Variants in OPCML observed in about 807,000 individuals in gnomAD.
OPCML encodes the protein opioid-binding protein/cell adhesion molecule.
Under a neutral mutation model 37.8 loss-of-function variants are expected in OPCML, and 13 were observed. The observed-to-expected ratio is 0.34, with a 90% CI of 0.22 to 0.55. The LOEUF (loss-of-function observed/expected upper bound fraction) is 0.55. Among genes scored for constraint, OPCML ranks in the 20% least tolerant of loss-of-function variants. The pLI, the probability that OPCML is intolerant of heterozygous loss-of-function variation, is 0.91. For missense variants in OPCML, 341 were observed against 435.6 expected, an observed-to-expected ratio of 0.78 and a Z score of 1.93; for synonymous variants, 176 against 168.8, an observed-to-expected ratio of 1.04 and a Z score of -0.33.
intron 1 of OPCML, among the ~76,000 whole-genome samples, chr11:133,097,823 G>A (rs1297261859): frequency 1.3e-5 from 2 of 152,126 alleles, no homozygotes; most frequent in South Asian, 4.1e-4. Context: ...AGAAGAAATA[G>A]ACAATCTGAA....
chr11:133,116,558 G>C (rs1236111975), intron 1 of OPCML, among the ~76,000 whole-genome samples: 2 of 152,108 alleles, frequency 1.3e-5, no homozygotes, highest in African/African-American at 4.8e-5. Context: ...ATTTAGGTAT[G>C]CTGGATGTTT....
In OPCML at chr11:133,292,519, A is replaced by G. The variant is rs1025165579; in HGVS notation, c.61+239745T>C. 3.9e-5 allele frequency among the ~76,000 whole-genome samples: 6 copies of G among 152,202 alleles called. No homozygotes were observed. In the South Asian group the frequency reaches 6.2e-4, roughly 16 times the overall value. On this transcript the variant is annotated intron_variant, in intron 1 of 7. Coordinates refer to ENST00000524381, the MANE Select transcript of OPCML (RefSeq NM_001012393.5). ...TACATATTCCAGAAGGGAAATCATC[A>G]TCATAATAATAACCTGAAGTAGAAT...
chr11:132,943,177 T>C lies in OPCML; in HGVS notation c.62-167A>G. ...GCGCACCAGCGGGCTCGGGAAGCGG[T>C]GCGGGGAGGAGGGAAGGGGCAGAGT... On this transcript the variant is annotated intron_variant, in intron 1 of 7. Transcript: ENST00000524381. The surrounding 1 kb of genome is among the most constrained non-coding windows in gnomAD (Gnocchi z 4.3). The C allele has an allele frequency of 1.3e-6, 2 of 1,589,966 alleles. No homozygotes were observed. Among genetic ancestry groups the C allele is most frequent in the Non-Finnish European group, 1.7e-6 (2 of 1,164,030 alleles).
intron 1 of OPCML, among the ~76,000 whole-genome samples, chr11:133,418,837 A>G (rs913111123): frequency 6.6e-6 from 1 of 152,160 alleles, no homozygotes; most frequent in African/African-American, 2.4e-5. Context: ...TATAGATAAC[A>G]TCACTATTTT....
chr11:132,791,079 T>A (rs1014098986), intron 2 of OPCML, among the ~76,000 whole-genome samples: 3 of 152,194 alleles, frequency 2.0e-5, no homozygotes, highest in Admixed American at 1.3e-4. Context: ...TGGGGTATTG[T>A]AACACTCTCA....
At chr11:132,587,563 G>A (rs1250405876) in intron 3 of OPCML, among the ~76,000 whole-genome samples, 1 of 152,194 alleles carries the variant, frequency 6.6e-6, no homozygotes, top group East Asian at 1.9e-4. Context: ...TGTTGGAGGA[G>A]GACAAAGGAC....
chr11:132,726,652 C>T lies in OPCML; in HGVS notation c.147-69333G>A, dbSNP rs764777539. 2.0e-3 allele frequency among the ~76,000 whole-genome samples: 303 copies of T among 152,024 alleles called. 8 individuals carry two copies. The highest frequency in any genetic ancestry group is 3.8e-4 in the Non-Finnish European group (26 of 67,986). On this transcript the variant is annotated intron_variant, in intron 2 of 7. Coordinates refer to ENST00000524381, the MANE Select transcript of OPCML (RefSeq NM_001012393.5). ...TAGAACCAAAGAGTTGAGCGGGCAG[C>T]GTAAGTGTGTGTGTGGGCTGGCAGG... is the stretch of plus-strand genomic sequence containing the variant.
chr11:133,152,334 T>C (rs1949998217), intron 1 of OPCML, among the ~76,000 whole-genome samples: 1 of 152,172 alleles, frequency 6.6e-6, no homozygotes, highest in Admixed American at 6.5e-5. Flanking sequence ...AAAACTCCAT[T>C]GTTATCTGGA....
At chr11:132,606,799 G>GAAAAAATC (rs1938331550) in intron 3 of OPCML, among the ~76,000 whole-genome samples, 1 of 152,138 alleles carries the variant, frequency 6.6e-6, no homozygotes, top group South Asian at 2.1e-4. Context: ...AGTGAAATAA[G>GAAAAAATC]AAAAAATCCC....
At chr11:132,868,854 ATG>A (rs1220485581) in intron 2 of OPCML, among the ~76,000 whole-genome samples, 1 of 152,166 alleles carries the variant, frequency 6.6e-6, no homozygotes, top group African/African-American at 2.4e-5. Context: ...CAGGAAGTGC[ATG>A]TGTCCATGCA....
intron 2 of OPCML, among the ~76,000 whole-genome samples, chr11:132,665,650 G>A (rs918474514): frequency 2.0e-5 from 3 of 152,114 alleles, no homozygotes; most frequent in African/African-American, 4.8e-5. Context: ...AAAAGTAAGG[G>A]TGAGCAGAAA....
chr11:132,942,918 C>G lies in OPCML; in HGVS notation c.146+8G>C, dbSNP rs1945632525. 1.9e-6 allele frequency: 3 copies of G among 1,613,892 alleles called. No individual in the cohort carries two copies. The East Asian group carries it at 6.7e-5, about 36-fold the overall frequency. On this transcript the variant is annotated splice_region_variant and intron_variant, in intron 2 of 7. Transcript: ENST00000524381. ...GGGCTCGGCCCCCGCGGAAGGACAGCTCCCTACCTGAGGGTGGCGCTCTCC... is the reference window on the plus strand; with the variant it reads ...GGGCTCGGCCCCCGCGGAAGGACAGGTCCCTACCTGAGGGTGGCGCTCTCC...
At chr11:133,024,257 A>C in intron 1 of OPCML, 1 of 736,902 alleles carries the variant, frequency 1.4e-6, no homozygotes, top group South Asian at 6.2e-5. Context: ...TGGGGTGAGA[A>C]GCGAAGAAAA....
chr11:133,051,058 T>TACACACACAC (rs113538759), intron 1 of OPCML, among the ~76,000 whole-genome samples: 1 of 147,992 alleles, frequency 6.8e-6, no homozygotes, highest in Admixed American at 6.7e-5. Context: ...TGTGTGTACA[T>TACACACACAC]ACACACACAC....
intron 1 of OPCML, among the ~76,000 whole-genome samples, chr11:133,390,968 T>C (rs190893501): frequency 1.0e-3 from 152 of 152,302 alleles, no homozygotes; most frequent in African/African-American, 3.6e-3. Flanking sequence ...CCGATGCTTA[T>C]GTGCAGCTTA....
intron 2 of OPCML, among the ~76,000 whole-genome samples, chr11:132,722,462 T>A (rs1186764875): frequency 6.6e-6 from 1 of 152,098 alleles, no homozygotes; most frequent in East Asian, 1.9e-4. Flanking sequence ...GTTATTGCAA[T>A]CAGCTAGCAC....
At chr11:133,112,312 G>GAAAAAAAAA (rs1949269165) in intron 1 of OPCML, among the ~76,000 whole-genome samples, 2 of 33,638 alleles carry the variant, frequency 5.9e-5, no homozygotes, top group Admixed American at 2.8e-4. Context: ...AAAAAAAAAG[G>GAAAAAAAAA]GGAAAGAAAC....
Position 133,173,622 on chromosome 11 carries a change from C to G in OPCML, c.62-230612G>C, listed in dbSNP as rs1005469598. 1.3e-5 allele frequency among the ~76,000 whole-genome samples: 2 copies of G among 152,068 alleles called. No homozygotes were observed. The highest frequency in any genetic ancestry group is 4.8e-5 in the African/African-American group (2 of 41,386). ...ATCACCCCCCAGATGCCTCTCATTG[C>G]AAAAATTAGCAGTAACGCGATGAGG... On this transcript the variant is annotated intron_variant, in intron 1 of 7. Transcript: ENST00000524381. The surrounding 1 kb of genome is among the most constrained non-coding windows in gnomAD (Gnocchi z 7.8).
At chr11:133,113,855 ATTCT>A in intron 1 of OPCML, among the ~76,000 whole-genome samples, 1 of 152,328 alleles carries the variant, frequency 6.6e-6, no homozygotes. Flanking sequence ...CACATATTGA[ATTCT>A]TTCTTCATTA....
Sources: gnomAD v4.1 joint callset for allele counts (sites outside exome capture counted in the v4.1 genomes callset) on GRCh38, gnomAD v4.1.1 for gene constraint, Gnocchi (gnomAD v3.1) non-coding constraint, MANE v1.5 for transcripts, NCBI Gene and HGNC (gene_info 2026-07-23, HGNC 2026-07-21) for gene names.